The following B3GALT1 variants were observed in gnomAD, a reference collection of about 807,000 sequenced individuals.
B3GALT1 encodes the protein UDP-Gal:betaGlcNAc beta 1,3-galactosyltransferase, polypeptide 1.
B3GALT1 carries 10 observed loss-of-function variants against 23.2 expected under a neutral mutation model. That is an observed-to-expected ratio of 0.43 (90% CI 0.27 to 0.73). B3GALT1 has a LOEUF of 0.73. Ranked by LOEUF, B3GALT1 falls within the 30% of genes least tolerant of loss-of-function variation. The pLI, the probability that B3GALT1 is intolerant of heterozygous loss-of-function variation, is 0.21. For synonymous variants in B3GALT1, 156 were observed against 141.5 expected, an observed-to-expected ratio of 1.10 and a Z score of -0.73; for missense variants, 299 against 405.4, an observed-to-expected ratio of 0.74 and a Z score of 2.25.
chr2:167,818,014 T>G (rs1186335512), intron 3 of B3GALT1, among the ~76,000 whole-genome samples: 1 of 152,164 alleles, frequency 6.6e-6, no homozygotes, highest in East Asian at 1.9e-4. Context: ...CCAAATGTCT[T>G]TGCCCAAAGG....
intron 2 of B3GALT1, among the ~76,000 whole-genome samples, chr2:167,538,245 A>G (rs1176625754): frequency 6.6e-6 from 1 of 152,240 alleles, no homozygotes; most frequent in East Asian, 1.9e-4. Flanking sequence ...ACTAGAAAAC[A>G]AACAAGCAAA....
At chr2:167,352,924 A>G (rs1387747739) in intron 1 of B3GALT1, among the ~76,000 whole-genome samples, 2 of 152,224 alleles carry the variant, frequency 1.3e-5, no homozygotes, top group Non-Finnish European at 2.9e-5. Context: ...AATGATAATG[A>G]GACATAACAC....
At chr2:167,549,611 C>T (rs1319653410) in intron 2 of B3GALT1, among the ~76,000 whole-genome samples, 1 of 152,084 alleles carries the variant, frequency 6.6e-6, no homozygotes, top group African/African-American at 2.4e-5. Flanking sequence ...AGTGTGCCTC[C>T]CCTTCCTTGG....
chr2:167,620,307 G>C (rs1003958452), intron 2 of B3GALT1, among the ~76,000 whole-genome samples: 2 of 152,064 alleles, frequency 1.3e-5, no homozygotes, highest in Non-Finnish European at 2.9e-5. Flanking sequence ...AGCTAGAATT[G>C]ATAAATAGCC....
chr2:167,498,884 A>ATTTAAATC (rs1184417718), intron 2 of B3GALT1, among the ~76,000 whole-genome samples: 1 of 152,122 alleles, frequency 6.6e-6, no homozygotes, highest in African/African-American at 2.4e-5. Context: ...CTTCATATGA[A>ATTTAAATC]TTTAAATCAG....
At chr2:167,816,796 ATAT>A (rs1187485971) in intron 3 of B3GALT1, among the ~76,000 whole-genome samples, 3 of 152,226 alleles carry the variant, frequency 2.0e-5, no homozygotes, top group East Asian at 3.8e-4. Flanking sequence ...TATTTTATCA[ATAT>A]TATTAAGCAA....
chr2:167,730,905 A>G (rs1438161586), intron 3 of B3GALT1, among the ~76,000 whole-genome samples: 1 of 152,180 alleles, frequency 6.6e-6, no homozygotes, highest in Non-Finnish European at 1.5e-5. Flanking sequence ...CATACTCCAT[A>G]CGAATTTCCT....
Position 167,327,484 on chromosome 2 carries a change from A to G in B3GALT1, c.-511+34150A>G, listed in dbSNP as rs574440461. Among the ~76,000 whole-genome samples the G allele has an allele frequency of 8.5e-5, 13 of 152,110 alleles. No homozygotes were observed. The East Asian group carries it at 2.1e-3, about 25-fold the overall frequency. The stretch of plus-strand genomic sequence containing the variant: ...TTTATTCCTCGGTGTTTTTAAAACT[A>G]TTGTAAATGGTATTGCCTTCTTGAT... On this transcript the variant is annotated intron_variant, in intron 1 of 4. Coordinates refer to ENST00000392690, the MANE Select transcript of B3GALT1 (RefSeq NM_020981.4).
chr2:167,623,019 A>G (rs1414125992), intron 2 of B3GALT1, among the ~76,000 whole-genome samples: 2 of 152,144 alleles, frequency 1.3e-5, no homozygotes, highest in African/African-American at 2.4e-5. Context: ...CACTAGAAAA[A>G]AAAAGGTATT....
intron 1 of B3GALT1, among the ~76,000 whole-genome samples, chr2:167,420,571 G>A (rs1299362519): frequency 6.6e-6 from 1 of 152,214 alleles, no homozygotes; most frequent in East Asian, 1.9e-4. Context: ...GAAAAGACTA[G>A]TGAACACCTC....
intron 2 of B3GALT1, among the ~76,000 whole-genome samples, chr2:167,513,193 A>T (rs1186574629): frequency 6.6e-6 from 1 of 151,968 alleles, no homozygotes; most frequent in Non-Finnish European, 1.5e-5. Context: ...TGTATAAAAT[A>T]ACAGAAATTT....
intron 1 of B3GALT1, among the ~76,000 whole-genome samples, chr2:167,378,504 G>A (rs375430487): frequency 6.6e-6 from 1 of 151,850 alleles, no homozygotes; most frequent in South Asian, 2.1e-4. Context: ...TTTCTTAAAG[G>A]CCTTGTTTAT....
chr2:167,354,344 CTTCT>C (rs1335567625), intron 1 of B3GALT1, among the ~76,000 whole-genome samples: 1 of 119,408 alleles, frequency 8.4e-6, no homozygotes, highest in African/African-American at 2.9e-5. Flanking sequence ...CTTGGTAAAT[CTTCT>C]TTTTTTTTTT....
intron 1 of B3GALT1, among the ~76,000 whole-genome samples, chr2:167,307,506 A>C (rs950114523): frequency 6.6e-6 from 1 of 151,978 alleles, no homozygotes; most frequent in Non-Finnish European, 1.5e-5. Context: ...AGTAATAAAG[A>C]TGTTATTTTC....
At chr2:167,649,254 T>G (rs1426957130) in intron 3 of B3GALT1, among the ~76,000 whole-genome samples, 1 of 152,142 alleles carries the variant, frequency 6.6e-6, no homozygotes, top group African/African-American at 2.4e-5. Context: ...TCATGCATAA[T>G]AAATGTAACA....
intron 3 of B3GALT1, among the ~76,000 whole-genome samples, chr2:167,801,511 T>C (rs1688638327): frequency 6.6e-6 from 1 of 152,198 alleles, no homozygotes; most frequent in Non-Finnish European, 1.5e-5. Flanking sequence ...CTGAAGGACC[T>C]ATATTGTCAA....
At chr2:167,547,436 C>T (rs532260921) in intron 2 of B3GALT1, among the ~76,000 whole-genome samples, 37 of 152,226 alleles carry the variant, frequency 2.4e-4, no homozygotes, top group African/African-American at 7.0e-4. Context: ...GTGGCCCACG[C>T]CTGTAATTCC....
intron 4 of B3GALT1, among the ~76,000 whole-genome samples, chr2:167,850,679 T>C (rs1237204269): frequency 4.6e-5 from 7 of 152,044 alleles, no homozygotes; most frequent in Non-Finnish European, 1.0e-4. Flanking sequence ...AAGAAACTGA[T>C]ATTGGAGACT....
chr2:167,405,811 G>T (rs1698264900), intron 1 of B3GALT1, among the ~76,000 whole-genome samples: 1 of 152,016 alleles, frequency 6.6e-6, no homozygotes, highest in Non-Finnish European at 1.5e-5. Context: ...AGAGAATCAT[G>T]AAATAAACAA....
Sources: allele counts gnomAD v4.1 joint callset (sites outside exome capture counted in the v4.1 genomes callset), GRCh38; gene constraint gnomAD v4.1.1; transcripts MANE v1.5; gene names NCBI Gene and HGNC (gene_info 2026-07-23, HGNC 2026-07-21).